Variants in COL6A3 observed in about 807,000 individuals in gnomAD.
COL6A3 encodes the protein collagen alpha-3(VI) chain.
Under a neutral mutation model 274.1 loss-of-function variants are expected in COL6A3, and 137 were observed. The ratio of observed to expected loss-of-function variants is 0.50; its 90% CI spans 0.44 to 0.58. The LOEUF is 0.58. Ranked by LOEUF, COL6A3 falls within the 20% of genes least tolerant of loss-of-function variation. COL6A3 has a pLI of 0.00. For missense variants in COL6A3, 3,950 were observed against 4,124.9 expected, an observed-to-expected ratio of 0.96 and a Z score of 1.16; for synonymous variants, 1,650 against 1,650.6, an observed-to-expected ratio of 1.00 and a Z score of 0.01.
rs1481867346 is a variant in COL6A3, at chr2:237,366,629, T to C, written c.5500+58A>G. On this transcript the variant is annotated intron_variant, in intron 11 of 43. Coordinates refer to ENST00000295550, the MANE Select transcript of COL6A3 (RefSeq NM_004369.4). ...AGGTCAGCACCAGGGACCAGACAGC[T>C]AAAGAGGCACAAATGTCAACAGGAA... 3.7e-6 allele frequency: 6 copies of C among 1,613,718 alleles called. No homozygotes were observed. The African/African-American group carries it at 8.0e-5, about 22-fold the overall frequency.
intron 6 of COL6A3, among the ~76,000 whole-genome samples, chr2:237,377,939 A>C (rs1210276967): frequency 6.6e-6 from 1 of 152,266 alleles, no homozygotes; most frequent in African/African-American, 2.4e-5. Flanking sequence ...GACAATAGGA[A>C]ACACAGATGA....
At chr2:237,325,844 C>A in intron 42 of COL6A3, 120 bp from the exon 43 acceptor site, 1 of 794,850 alleles carries the variant, frequency 1.3e-6, no homozygotes, top group Non-Finnish European at 2.0e-6. Context: ...GAAGAGCTTC[C>A]AGGTGAAAAC....
At position 237,366,854 on chromosome 2, in the gene COL6A3, A is replaced by T. The variant is rs2077566046; in HGVS notation, c.5333T>A (p.Val1778Glu). 3 of 1,614,080 alleles carry T rather than the reference A, an allele frequency of 1.9e-6. No individual in the cohort carries two copies. In the East Asian group the frequency reaches 6.7e-5, roughly 36 times the overall value. The stretch of plus-strand genomic sequence containing the variant: ...AACCTCCTCCGAGTCGATATTCCTC[A>T]CTCCAACAGCAAACACTTTGACCCC... The part of the protein sequence containing the change: ...QRGVKVFAVG[V>E]RNIDSEEVGK... Residue 1778 changes from valine (V) to glutamate (E), a missense_variant, in exon 11 of 44, where the codon GTG becomes GAG. Physicochemically the swap from Val to Glu is moderately radical, Grantham distance 121. Around this residue, in one of 5 missense-constraint regions of COL6A3, gnomAD observed 632 missense variants for 623.4 expected, o/e 1.01. Transcript: ENST00000295550.
intron 11 of COL6A3, among the ~76,000 whole-genome samples, chr2:237,366,360 T>G (rs2077550938): frequency 6.6e-6 from 1 of 152,174 alleles, no homozygotes; most frequent in Admixed American, 6.5e-5. Flanking sequence ...CACTTGAAAA[T>G]CAAATATTCT....
chr2:237,345,157 T>G, intron 33 of COL6A3, 24 bp downstream of exon 33: 1 of 1,613,984 alleles, frequency 6.2e-7, no homozygotes, highest in Non-Finnish European at 8.5e-7. Flanking sequence ...GGTTAATGAG[T>G]CATTCTGGAC....
rs749820906 is a variant in COL6A3, at chr2:237,368,966, C to T, written c.4497G>A (p.Val1499=). The T allele has an allele frequency of 6.2e-6, 10 of 1,614,118 alleles. No individual in the cohort carries two copies. Among genetic ancestry groups the T allele is most frequent in the Non-Finnish European group, 7.6e-6 (9 of 1,180,048 alleles). The change falls in exon 10 of 44, where the codon GTG becomes GTA. Residue 1499 remains valine, a synonymous_variant. Transcript: ENST00000295550. This position sits in a 1 kb window ranked among gnomAD's most constrained non-coding sequence, Gnocchi z 4.4. ...GCCTCAGGCGCCGTATGGCGTCCAGCACCGGGGCCTGGGATCTGTAGGTTT... is the reference window on the plus strand; with the variant it reads ...GCCTCAGGCGCCGTATGGCGTCCAGTACCGGGGCCTGGGATCTGTAGGTTT... ...YLKTYRSQAP[V]LDAIRRLRLR...
chr2:237,397,134 G>A (rs2078465808), intron 1 of COL6A3, among the ~76,000 whole-genome samples: 1 of 145,022 alleles, frequency 6.9e-6, no homozygotes, highest in Non-Finnish European at 1.5e-5. Flanking sequence ...GGGAAGGAAG[G>A]AAGGAGAAGG....
chr2:237,404,319 C>T (rs565198218), intron 1 of COL6A3, among the ~76,000 whole-genome samples: 2 of 152,246 alleles, frequency 1.3e-5, no homozygotes, highest in Non-Finnish European at 2.9e-5. Context: ...GTATGTGATT[C>T]TAAAAGGCAG....
In COL6A3 at chr2:237,333,509, G is replaced by A. The variant is rs772199961; in HGVS notation, c.9269C>T (p.Ala3090Val). 3 of 1,614,206 alleles carry A rather than the reference G, an allele frequency of 1.9e-6. No individual in the cohort carries two copies. Among genetic ancestry groups the A allele is most frequent in the African/African-American group, 1.3e-5 (1 of 75,050 alleles). ...QPPPPQPARS[A>V]SSSTINLMVS... ...CATTAGATTGATGGTTGAACTAGAA[G>A]CTGACCTTGCTGGCTGTGGAGGTGG... Residue 3090 changes from alanine to valine, a missense_variant, in exon 42 of 44, where the codon GCT becomes GTT. Coordinates refer to ENST00000295550, the MANE Select transcript of COL6A3 (RefSeq NM_004369.4).
intron 32 of COL6A3, among the ~76,000 whole-genome samples, chr2:237,345,788 A>G (rs954406451): frequency 6.6e-6 from 1 of 152,096 alleles, no homozygotes; most frequent in East Asian, 1.9e-4. Context: ...GAACTGGCTT[A>G]ATGTGCTCCC....
At chr2:237,395,489 G>C (rs2078416222) in intron 2 of COL6A3, among the ~76,000 whole-genome samples, 1 of 152,178 alleles carries the variant, frequency 6.6e-6, no homozygotes, top group African/African-American at 2.4e-5. Flanking sequence ...TTCCTGGGCT[G>C]TCTTTAACTC....
chr2:237,388,177 G>T lies in COL6A3; in HGVS notation c.717C>A (p.Asp239Glu), dbSNP rs2078201961. 1.2e-6 allele frequency: 2 copies of T among 1,614,052 alleles called. No individual in the cohort carries two copies. Among genetic ancestry groups the T allele is most frequent in the African/African-American group, 1.3e-5 (1 of 75,072 alleles). ...CAATAAGGAAAATAATGTCAGCAGA[G>T]TCTTGTGCTTTAAAAGAAAGAAATG... ...TETLKDITAQ[D>E]SADIIFLIDG... The change falls in exon 4 of 44, where the codon GAC becomes GAA. Residue 239 changes from aspartate to glutamate, a missense_variant. Transcript: ENST00000295550.
In COL6A3 at chr2:237,368,218, C is replaced by A. The variant is rs59739479; in HGVS notation, c.4900+345G>T. On this transcript the variant is annotated intron_variant, in intron 10 of 43. Coordinates refer to ENST00000295550, the MANE Select transcript of COL6A3 (RefSeq NM_004369.4). The surrounding 1 kb of genome is among the most constrained non-coding windows in gnomAD (Gnocchi z 4.4). ...ACCTGGACTATATTGGGCATCTGGC[C>A]AGTAGGCATGGGCCAACTTCAAAGT... Among the ~76,000 whole-genome samples the A allele has an allele frequency of 5.7e-3, 862 of 152,286 alleles. 14 individuals carry two copies. The highest frequency in any genetic ancestry group is 0.02 in the African/African-American group (815 of 41,556).
In COL6A3 at chr2:237,387,601, C is replaced by T. The variant is rs376912950; in HGVS notation, c.1293G>A (p.Pro431=). ...GVAQRHIVLK[P]PTIVTQVIEV... is the part of the protein sequence containing the mutation. ...ACATACCTTGTGTGACAATGGTTGGCGGTTTCAAGACAATGTGCCTTTGGG... is the reference window on the plus strand; with the variant it reads ...ACATACCTTGTGTGACAATGGTTGGTGGTTTCAAGACAATGTGCCTTTGGG... The change falls in exon 4 of 44, where the codon CCG becomes CCA. Residue 431 remains proline (P), a synonymous_variant. Transcript: ENST00000295550. 33 of 1,613,570 alleles carry T rather than the reference C, an allele frequency of 2.0e-5. No individual in the cohort carries two copies. The highest frequency in any genetic ancestry group is 1.1e-4 in the South Asian group (10 of 90,922).
At chr2:237,338,573 G>A (rs1158890646) in intron 39 of COL6A3, among the ~76,000 whole-genome samples, 4 of 152,042 alleles carry the variant, frequency 2.6e-5, no homozygotes, top group African/African-American at 4.8e-5. Context: ...GACAAGGCTG[G>A]ACAACATGGC....
At chr2:237,385,342 T>C (rs575357091) in intron 4 of COL6A3, among the ~76,000 whole-genome samples, 9 of 152,360 alleles carry the variant, frequency 5.9e-5, no homozygotes, top group Admixed American at 5.9e-4. Context: ...ATATTAAACA[T>C]GATGTTTGTA....
chr2:237,375,839 G>A (rs11901587), intron 7 of COL6A3, among the ~76,000 whole-genome samples: 45,608 of 152,150 alleles, frequency 0.3, 7,206 homozygotes, highest in African/African-American at 0.41. Flanking sequence ...CACCGCACCC[G>A]GCCTGTTTTG....
rs756359502 is a variant in COL6A3, at chr2:237,334,829, C to T, written c.9026G>A (p.Trp3009Ter). 1 of 1,614,172 alleles carries T rather than the reference C, an allele frequency of 6.2e-7. No homozygotes were observed. The highest frequency in any genetic ancestry group is 8.5e-7 in the Non-Finnish European group (1 of 1,180,032). ...EITENSAKLH[W>*]ERAEPPGPYF... ...AGGACCGGGGGGCTCAGCCCTCTCCCAGTGGAGTTTGGCGCTGTTCTCTGT... is the reference window on the plus strand; with the variant it reads ...AGGACCGGGGGGCTCAGCCCTCTCCTAGTGGAGTTTGGCGCTGTTCTCTGT... The change falls in exon 41 of 44, where the codon TGG becomes TAG. Residue 3009 changes from tryptophan to a stop codon, truncating the protein, a stop_gained. Transcript: ENST00000295550. LOFTEE classifies it high-confidence loss of function.
intron 8 of COL6A3, among the ~76,000 whole-genome samples, chr2:237,373,947 C>G (rs2077762496): frequency 6.6e-6 from 1 of 152,240 alleles, no homozygotes; most frequent in East Asian, 1.9e-4. Context: ...ATCTTCACAC[C>G]TTGGCTCTGG....
Sources: gnomAD v4.1 joint callset for allele counts (sites outside exome capture counted in the v4.1 genomes callset) on GRCh38, gnomAD v4.1.1 for gene constraint, gnomAD v4.1.1 regional missense constraint, Gnocchi (gnomAD v3.1) non-coding constraint, MANE v1.5 for transcripts, NCBI Gene and HGNC (gene_info 2026-07-23, HGNC 2026-07-21) for gene names.